USO1: variants seen among roughly 807,000 people sequenced by gnomAD.
USO1 encodes the protein general vesicular transport factor p115.
A neutral mutation model predicts 124.5 loss-of-function variants in USO1; 57 were observed. The ratio of observed to expected loss-of-function variants is 0.46; its 90% confidence interval spans 0.37 to 0.57. The LOEUF (loss-of-function observed/expected upper bound fraction) is 0.57. Among genes scored for constraint, USO1 ranks in the 20% least tolerant of loss-of-function variants. The pLI, the probability that USO1 is intolerant of heterozygous loss-of-function variation, is 0.00. For missense variants in USO1, 900 were observed against 1,040.6 expected (o/e 0.86, Z 1.86); for synonymous variants, 369 against 362.8 (o/e 1.02, Z -0.19).
intron 4 of USO1, among the ~76,000 whole-genome samples, chr4:75,764,822 C>T (rs1217534032): frequency 2.0e-5 from 3 of 152,036 alleles, no homozygotes; most frequent in Non-Finnish European, 1.5e-5. Flanking sequence ...CTTGTGTCAA[C>T]GTTTGTATTT....
intron 9 of USO1, among the ~76,000 whole-genome samples, chr4:75,784,538 G>T (rs1356639808): frequency 6.6e-6 from 1 of 152,178 alleles, no homozygotes; most frequent in East Asian, 1.9e-4. Flanking sequence ...AAGTAGGTCA[G>T]GTGTGGTGAC....
intron 17 of USO1, among the ~76,000 whole-genome samples, chr4:75,802,397 A>G (rs1205422458): frequency 2.0e-5 from 3 of 152,188 alleles, no homozygotes; most frequent in Admixed American, 6.5e-5. Flanking sequence ...TGGGGCTGCA[A>G]ATACAGTTGA....
chr4:75,738,915 C>T (rs1720874091), intron 1 of USO1, among the ~76,000 whole-genome samples: 3 of 151,926 alleles, frequency 2.0e-5, no homozygotes, highest in Non-Finnish European at 4.4e-5. Flanking sequence ...TGCAATGGTG[C>T]AAACTGGGCT....
chr4:75,749,841 C>A (rs1055861909), intron 1 of USO1, among the ~76,000 whole-genome samples: 3 of 151,732 alleles, frequency 2.0e-5, no homozygotes, highest in Non-Finnish European at 4.4e-5. Context: ...CAAGCTCCGC[C>A]TCTAGGTTCA....
chr4:75,806,817 T>C (rs752811265), intron 20 of USO1, among the ~76,000 whole-genome samples: 24 of 152,178 alleles, frequency 1.6e-4, no homozygotes, highest in Non-Finnish European at 2.9e-4. Context: ...ATGTTATTTA[T>C]AGATTATCAG....
Position 75,793,951 on chromosome 4 carries a change from T to C in USO1, c.1452+50T>C, listed in dbSNP as rs1304045508. ...GTTCTATACATTTTGATGTCAGTGA[T>C]ACAGGATTTAAGGATGTCTTTAGAA... On this transcript the variant is annotated intron_variant, in intron 13 of 23. Transcript: ENST00000514213. The C allele has an allele frequency of 1.9e-6, 3 of 1,608,194 alleles. No individual in the cohort carries two copies. The African/African-American group carries it at 4.0e-5, about 22-fold the overall frequency.
chr4:75,790,303 C>G, intron 11 of USO1, 65 bp downstream of exon 11: 2 of 1,519,876 alleles, frequency 1.3e-6, no homozygotes, highest in Non-Finnish European at 1.8e-6. Context: ...TAATGTATCT[C>G]ATATACACAT....
At chr4:75,781,250 A>T (rs1358090444) in intron 8 of USO1, among the ~76,000 whole-genome samples, 1 of 152,178 alleles carries the variant, frequency 6.6e-6, no homozygotes, top group African/African-American at 2.4e-5. Flanking sequence ...GTGGAGCCTG[A>T]AAATGTGATT....
intron 17 of USO1, among the ~76,000 whole-genome samples, chr4:75,802,029 G>A (rs756550695): frequency 6.6e-6 from 1 of 152,186 alleles, no homozygotes; most frequent in South Asian, 2.1e-4. Flanking sequence ...ATGTTGGCTG[G>A]TGTTGATCTC....
intron 8 of USO1, among the ~76,000 whole-genome samples, chr4:75,776,411 G>A (rs147963423): frequency 6.6e-6 from 1 of 152,282 alleles, no homozygotes; most frequent in East Asian, 1.9e-4. Flanking sequence ...GGTTTGAAAA[G>A]ATTAAATGGA....
intron 21 of USO1, 38 bp from the exon 22 acceptor site, chr4:75,810,394 G>A: frequency 1.3e-6 from 2 of 1,570,370 alleles, no homozygotes; most frequent in South Asian, 2.4e-5. Flanking sequence ...TGATTGTAAT[G>A]TTTAAGAGAC....
intron 4 of USO1, among the ~76,000 whole-genome samples, chr4:75,757,995 A>G (rs1301586786): frequency 6.6e-6 from 1 of 152,160 alleles, no homozygotes. Flanking sequence ...TAATTTATAA[A>G]GTGCAACAAT....
intron 8 of USO1, among the ~76,000 whole-genome samples, chr4:75,781,701 C>A (rs972490090): frequency 1.3e-5 from 2 of 152,016 alleles, no homozygotes; most frequent in Non-Finnish European, 2.9e-5. Flanking sequence ...TGTAGAGAAA[C>A]TCTATTTGTA....
Position 75,724,613 on chromosome 4 carries a change from C to A in USO1, c.-207C>A. The A allele has an allele frequency of 1.7e-6, 1 of 575,882 alleles. No homozygotes were observed. Among genetic ancestry groups the A allele is most frequent in the Non-Finnish European group, 3.1e-6 (1 of 323,218 alleles). 35.7% of individuals were successfully genotyped at this position (575,882 alleles called of 1,614,324 possible). On this transcript the variant is annotated 5_prime_UTR_variant, in exon 1 of 24. Transcript: ENST00000514213. ...TCAACCTTCGAGCCGCCACGTAATG[C>A]CACGTCCCCGCGCATGCGCATCTTG...
At chr4:75,772,422 A>G (rs1721958209) in intron 7 of USO1, among the ~76,000 whole-genome samples, 1 of 152,030 alleles carries the variant, frequency 6.6e-6, no homozygotes, top group African/African-American at 2.4e-5. Flanking sequence ...TATTTTTAGT[A>G]GAGACAGGGT....
chr4:75,793,394 C>T (rs1396772914), intron 12 of USO1, among the ~76,000 whole-genome samples: 1 of 151,884 alleles, frequency 6.6e-6, no homozygotes, highest in Non-Finnish European at 1.5e-5. Flanking sequence ...ATCCTCCCAC[C>T]TCAGCCTTCC....
chr4:75,727,492 C>T (rs1326531474), intron 1 of USO1, among the ~76,000 whole-genome samples: 1 of 152,088 alleles, frequency 6.6e-6, no homozygotes, highest in African/African-American at 2.4e-5. Context: ...TTCTGAGGTA[C>T]AGTATGAATA....
At chr4:75,796,911 T>C (rs1722701156) in intron 13 of USO1, among the ~76,000 whole-genome samples, 1 of 151,720 alleles carries the variant, frequency 6.6e-6, no homozygotes, top group Non-Finnish European at 1.5e-5. Flanking sequence ...ATTTGTCTTT[T>C]GACCTTGGTG....
intron 4 of USO1, among the ~76,000 whole-genome samples, chr4:75,760,402 TA>T (rs1393391094): frequency 6.6e-6 from 1 of 152,214 alleles, no homozygotes; most frequent in African/African-American, 2.4e-5. Context: ...GTCCTAAAAA[TA>T]TAGCGTATGC....
Sources: allele counts gnomAD v4.1 joint callset (sites outside exome capture counted in the v4.1 genomes callset), GRCh38; gene constraint gnomAD v4.1.1; transcripts MANE v1.5; gene names NCBI Gene and HGNC (gene_info 2026-07-23, HGNC 2026-07-21).